The following ZNF423 variants were observed in gnomAD, a reference collection of about 807,000 sequenced individuals.
ZNF423 encodes the protein Ebf-associated zinc finger protein.
ZNF423 carries 12 observed loss-of-function variants against 95.8 expected under a neutral mutation model. The observed-to-expected ratio is 0.13, with a 90% CI of 0.08 to 0.20. The LOEUF (loss-of-function observed/expected upper bound fraction) is 0.20. ZNF423 is among the 10% of genes least tolerant of loss of function. The pLI is 1.00. For missense variants in ZNF423, 1,316 were observed against 1,737.1 expected (o/e 0.76, Z 4.31); for synonymous variants, 749 against 711.9 (o/e 1.05, Z -0.83).
chr16:49,662,766 G>A (rs2030310106), intron 3 of ZNF423, among the ~76,000 whole-genome samples: 1 of 152,228 alleles, frequency 6.6e-6, no homozygotes, highest in Non-Finnish European at 1.5e-5. Context: ...GCAGGCCAAG[G>A]CAGAATCTAG....
chr16:49,722,953 AT>A (rs10533611), intron 3 of ZNF423, among the ~76,000 whole-genome samples: 20,573 of 130,804 alleles, frequency 0.16, 939 homozygotes, highest in African/African-American at 0.18. Flanking sequence ...CGGGGTTCTA[AT>A]TTTTTTTTTT....
At chr16:49,632,913 G>A (rs1972553722) in intron 4 of ZNF423, among the ~76,000 whole-genome samples, 1 of 152,212 alleles carries the variant, frequency 6.6e-6, no homozygotes, top group South Asian at 2.1e-4. Context: ...TGCCAGAAAG[G>A]GAGGGGTGAT....
At chr16:49,599,117 A>T (rs1163809484) in intron 5 of ZNF423, among the ~76,000 whole-genome samples, 1 of 152,214 alleles carries the variant, frequency 6.6e-6, no homozygotes, top group Non-Finnish European at 1.5e-5. Flanking sequence ...ACACACAGAC[A>T]TGCACACAAC....
chr16:49,541,654 C>A (rs1208068210), intron 5 of ZNF423, among the ~76,000 whole-genome samples: 1 of 152,180 alleles, frequency 6.6e-6, no homozygotes, highest in African/African-American at 2.4e-5. Flanking sequence ...CTAAATCTCA[C>A]CTTGAATTTT....
intron 1 of ZNF423, among the ~76,000 whole-genome samples, chr16:49,804,799 A>G (rs1005174752): frequency 6.6e-6 from 1 of 151,820 alleles, no homozygotes; most frequent in African/African-American, 2.4e-5. Context: ...CCTGCAAGGT[A>G]GCTCTGAAGA....
intron 2 of ZNF423, chr16:49,731,176 G>T: frequency 3.9e-6 from 2 of 508,124 alleles, no homozygotes; most frequent in Non-Finnish European, 5.1e-6. Flanking sequence ...TTAATTCTTG[G>T]TGCAAATCTT....
chr16:49,533,068 C>T (rs1407501503), intron 5 of ZNF423, among the ~76,000 whole-genome samples: 1 of 152,210 alleles, frequency 6.6e-6, no homozygotes, highest in Non-Finnish European at 1.5e-5. Context: ...CTGGACTCTC[C>T]TGCCTTCCAG....
At chr16:49,554,834 T>C (rs970629435) in intron 5 of ZNF423, among the ~76,000 whole-genome samples, 1 of 152,070 alleles carries the variant, frequency 6.6e-6, no homozygotes, top group African/African-American at 2.4e-5. Flanking sequence ...TCTGAAGATA[T>C]AAATCTTACA....
chr16:49,805,039 A>G (rs1428230389), intron 1 of ZNF423, among the ~76,000 whole-genome samples: 1 of 151,650 alleles, frequency 6.6e-6, no homozygotes, highest in Non-Finnish European at 1.5e-5. Flanking sequence ...AGCTGGGATT[A>G]CAGGTGCCCA....
In ZNF423 at chr16:49,489,741, A is replaced by G. The variant is rs1375327656; in HGVS notation, c.*1534T>C. The G allele has an allele frequency of 6.6e-6, 1 of 152,226 alleles. No homozygotes were observed. The highest frequency in any genetic ancestry group is 2.1e-4 in the South Asian group (1 of 4,826). The allele number at this position is 152,226 out of a possible 1,614,324, so 9.4% of individuals were successfully genotyped here. A position where few individuals can be genotyped will look rare whatever the true frequency, so the allele number is the denominator to read the frequency against. ...TCCGCTCTGCAGAGGGTAATAACCA[A>G]TTTCCTTGCCCCTTGTGAAAAGTTA... On this transcript the variant is annotated 3_prime_UTR_variant, in exon 8 of 8. Coordinates refer to ENST00000563137, the MANE Select transcript of ZNF423 (RefSeq NM_001379286.1).
intron 5 of ZNF423, among the ~76,000 whole-genome samples, chr16:49,600,009 T>C (rs371800399): frequency 1.3e-5 from 2 of 152,250 alleles, no homozygotes; most frequent in South Asian, 2.1e-4. Flanking sequence ...TCACTGTATG[T>C]AAGTTAAGCC....
chr16:49,512,907 C>T (rs1967956566), intron 7 of ZNF423, among the ~76,000 whole-genome samples: 1 of 152,028 alleles, frequency 6.6e-6, no homozygotes, highest in Non-Finnish European at 1.5e-5. Context: ...ACCAGCCTCG[C>T]CAACATGGTG....
At chr16:49,591,854 A>G (rs985871740) in intron 5 of ZNF423, among the ~76,000 whole-genome samples, 1 of 152,174 alleles carries the variant, frequency 6.6e-6, no homozygotes, top group African/African-American at 2.4e-5. Flanking sequence ...AAAAACAGGC[A>G]CCACTGTCTT....
chr16:49,560,862 CT>C, intron 5 of ZNF423, among the ~76,000 whole-genome samples: 1 of 152,206 alleles, frequency 6.6e-6, no homozygotes, highest in Non-Finnish European at 1.5e-5. Flanking sequence ...TTCTTCACCT[CT>C]TCTTTTCTTC....
At position 49,489,016 on chromosome 16, in the gene ZNF423, C is replaced by G. The variant is rs1436080672; in HGVS notation, c.*2259G>C. 1 of 152,238 alleles carries G rather than the reference C, an allele frequency of 6.6e-6. No individual in the cohort carries two copies. The highest frequency in any genetic ancestry group is 1.5e-5 in the Non-Finnish European group (1 of 68,070). 9.4% of individuals were successfully genotyped at this position (152,238 alleles called of 1,614,324 possible). A position where few individuals can be genotyped will look rare whatever the true frequency, so the allele number is the denominator to read the frequency against. On this transcript the variant is annotated 3_prime_UTR_variant, in exon 8 of 8. Transcript: ENST00000563137. ...GTCCCCTAGGCCGCCTCTCTCCTTA[C>G]CCAAGGCATCAGCCGGCTTCGCTGC... is the stretch of plus-strand genomic sequence containing the variant.
chr16:49,558,514 C>T lies in ZNF423; in HGVS notation c.3602-33020G>A, dbSNP rs770881067. Among the ~76,000 whole-genome samples, 11 of 152,238 alleles carry T rather than the reference C, an allele frequency of 7.2e-5. No individual in the cohort carries two copies. The South Asian group carries it at 8.3e-4, about 11-fold the overall frequency. Reference sequence around the variant, plus strand: ...CCCAGAAGTGGCTGTAGGGGCCCTCCCCAGTGTGCAGGAGAAATCATGTCC... The same window carrying T: ...CCCAGAAGTGGCTGTAGGGGCCCTCTCCAGTGTGCAGGAGAAATCATGTCC... On this transcript the variant is annotated intron_variant, in intron 5 of 7. Coordinates refer to ENST00000563137, the MANE Select transcript of ZNF423 (RefSeq NM_001379286.1).
intron 5 of ZNF423, among the ~76,000 whole-genome samples, chr16:49,574,611 A>C (rs1337975155): frequency 6.6e-6 from 1 of 152,176 alleles, no homozygotes; most frequent in Non-Finnish European, 1.5e-5. Context: ...GCCATACCTA[A>C]GACTGGAAGC....
chr16:49,837,076 G>A (rs1196107824), intron 1 of ZNF423, among the ~76,000 whole-genome samples: 1 of 144,828 alleles, frequency 6.9e-6, no homozygotes, highest in African/African-American at 2.6e-5. Flanking sequence ...TTTGATGTCT[G>A]GGGGATGGGG....
intron 1 of ZNF423, among the ~76,000 whole-genome samples, chr16:49,819,695 C>T (rs567581450): frequency 2.0e-5 from 3 of 152,248 alleles, no homozygotes; most frequent in East Asian, 3.9e-4. Context: ...GTGATCCACC[C>T]GCCTTGGCCT....
Sources: gnomAD v4.1 joint callset for allele counts (sites outside exome capture counted in the v4.1 genomes callset) on GRCh38, gnomAD v4.1.1 for gene constraint, MANE v1.5 for transcripts, NCBI Gene and HGNC (gene_info 2026-07-23, HGNC 2026-07-21) for gene names.